GDI2: variants seen among roughly 807,000 people sequenced by gnomAD.
GDI2 encodes the protein rab GDP dissociation inhibitor beta.
GDI2 carries 22 observed loss-of-function variants against 54.2 expected under a neutral mutation model. That is an observed-to-expected ratio of 0.41 (90% CI 0.29 to 0.58). The LOEUF (loss-of-function observed/expected upper bound fraction) is 0.58, where lower values mean the gene tolerates loss of function less well. Ranked by LOEUF, GDI2 falls within the 20% of genes least tolerant of loss-of-function variation. The pLI is 0.35. For synonymous variants in GDI2, 177 were observed against 182.1 expected, an observed-to-expected ratio of 0.97 and a Z score of 0.23; for missense variants, 422 against 546.0, an observed-to-expected ratio of 0.77 and a Z score of 2.26.
intron 1 of GDI2, among the ~76,000 whole-genome samples, chr10:5,806,891 C>T (rs1418721995): frequency 6.6e-6 from 1 of 152,112 alleles, no homozygotes; most frequent in Non-Finnish European, 1.5e-5. Context: ...TGTTGCACAG[C>T]TTCTATATAT....
intron 4 of GDI2, among the ~76,000 whole-genome samples, chr10:5,790,879 G>A (rs1377419429): frequency 6.6e-6 from 1 of 152,114 alleles, no homozygotes; most frequent in Non-Finnish European, 1.5e-5. Flanking sequence ...TTCTTGGCTG[G>A]GTGCAGTGGC....
chr10:5,774,908 G>GCAAGGGCAAGGC lies in GDI2; in HGVS notation c.720-979_720-968dup, dbSNP rs372188768. 2.0e-5 allele frequency among the ~76,000 whole-genome samples: 3 copies of GCAAGGGCAAGGC among 152,146 alleles called. No homozygotes were observed. The highest frequency in any genetic ancestry group is 4.4e-5 in the Non-Finnish European group (3 of 68,038). On this transcript the variant is annotated intron_variant, in intron 6 of 10. Coordinates refer to ENST00000380191, the MANE Select transcript of GDI2 (RefSeq NM_001494.4). This position sits in a 1 kb window ranked among gnomAD's most constrained non-coding sequence, Gnocchi z 4.8. ...ACCCAGGGGAAGGGGAAGGGCAAGG[G>GCAAGGGCAAGGC]CAAGGGCAAGGCCAAGGGAAGGGTT...
intron 1 of GDI2, among the ~76,000 whole-genome samples, chr10:5,808,135 G>A (rs548171317): frequency 2.6e-5 from 4 of 152,106 alleles, no homozygotes; most frequent in African/African-American, 9.6e-5. Flanking sequence ...CCAGGAGTTT[G>A]AGACCAGCCT....
In GDI2 at chr10:5,776,426, C is replaced by A; in HGVS notation, c.720-2485G>T. On this transcript the variant is annotated intron_variant, in intron 6 of 10. Coordinates refer to ENST00000380191, the MANE Select transcript of GDI2 (RefSeq NM_001494.4). The surrounding 1 kb of genome is among the most constrained non-coding windows in gnomAD (Gnocchi z 5.3). ...TGCCTGAGATTCAAGGGATCTTTGACAGGGATCCAGACACGCTACTATTTT... is the reference window on the plus strand; with the variant it reads ...TGCCTGAGATTCAAGGGATCTTTGAAAGGGATCCAGACACGCTACTATTTT... The A allele has an allele frequency of 1.2e-6, 1 of 805,420 alleles. No individual in the cohort carries two copies. The highest frequency in any genetic ancestry group is 2.2e-6 in the Non-Finnish European group (1 of 453,542). The allele number at this position is 805,420 out of a possible 1,614,324, so 49.9% of individuals were successfully genotyped here.
chr10:5,797,147 T>C (rs965884426), intron 2 of GDI2, among the ~76,000 whole-genome samples: 3 of 152,176 alleles, frequency 2.0e-5, no homozygotes, highest in African/African-American at 7.2e-5. Context: ...CAATGGCTCA[T>C]GCCTGTAATC....
intron 6 of GDI2, among the ~76,000 whole-genome samples, chr10:5,778,737 C>T (rs946013107): frequency 6.6e-6 from 1 of 151,932 alleles, no homozygotes; most frequent in Non-Finnish European, 1.5e-5. Context: ...TGCTAGTTGG[C>T]AGTATTTGAT....
rs776722399 is a variant in GDI2 at position 5,785,104 on chromosome 10, G to C, written c.719+38C>G. On this transcript the variant is annotated intron_variant, in intron 6 of 10. Coordinates refer to ENST00000380191, the MANE Select transcript of GDI2 (RefSeq NM_001494.4). ...CATATACACATTATGTTGAAGATGAGGTTTTGGATCACTGAGGTTTTAAAC... is the reference window on the plus strand; with the variant it reads ...CATATACACATTATGTTGAAGATGACGTTTTGGATCACTGAGGTTTTAAAC... The C allele has an allele frequency of 7.4e-6, 11 of 1,483,316 alleles. No homozygotes were observed. The African/African-American group carries it at 1.6e-4, about 21-fold the overall frequency. The allele number at this position is 1,483,316 out of a possible 1,614,324, so 91.9% of individuals were successfully genotyped here.
chr10:5,796,474 T>A (rs1212511514), intron 3 of GDI2, among the ~76,000 whole-genome samples: 2 of 152,252 alleles, frequency 1.3e-5, no homozygotes, highest in African/African-American at 4.8e-5. Context: ...TATTTAAGAC[T>A]GTCATAAGCA....
At chr10:5,805,682 G>C (rs1184214390) in intron 1 of GDI2, among the ~76,000 whole-genome samples, 1 of 152,230 alleles carries the variant, frequency 6.6e-6, no homozygotes, top group Non-Finnish European at 1.5e-5. Flanking sequence ...CACCACTGAT[G>C]CTGATGAGGT....
chr10:5,807,192 A>C (rs1281322662), intron 1 of GDI2, among the ~76,000 whole-genome samples: 5 of 152,232 alleles, frequency 3.3e-5, no homozygotes, highest in Non-Finnish European at 7.3e-5. Context: ...ACATGGGTGA[A>C]GTCATTAATT....
At chr10:5,794,188 A>AAATAT (rs1448053813) in intron 4 of GDI2, among the ~76,000 whole-genome samples, 23 of 40,330 alleles carry the variant, frequency 5.7e-4, no homozygotes, top group Non-Finnish European at 6.7e-4. Context: ...AAAAAAAAAA[A>AAATAT]ATATATATAT....
At chr10:5,788,791 C>T (rs1840936534) in intron 4 of GDI2, among the ~76,000 whole-genome samples, 1 of 151,402 alleles carries the variant, frequency 6.6e-6, no homozygotes, top group Admixed American at 6.6e-5. Flanking sequence ...AAAGGAGTCT[C>T]ACTCTGTCGC....
rs773186152 is a variant in GDI2, at chr10:5,766,303, G to A, written c.1137-8C>T. 3 of 1,610,266 alleles carry A rather than the reference G, an allele frequency of 1.9e-6. No homozygotes were observed. Among genetic ancestry groups the A allele is most frequent in the South Asian group, 2.2e-5 (2 of 90,986 alleles). ...TCACTGATGCTAACAAATCTGGAGGGAGAGAGAATTCAGTCAGGTGAGCTG... is the reference window on the plus strand; with the variant it reads ...TCACTGATGCTAACAAATCTGGAGGAAGAGAGAATTCAGTCAGGTGAGCTG... On this transcript the variant is annotated splice_region_variant and splice_polypyrimidine_tract_variant and intron_variant, in intron 9 of 10. Transcript: ENST00000380191. The surrounding 1 kb of genome is among the most constrained non-coding windows in gnomAD (Gnocchi z 5.8).
chr10:5,805,909 G>A (rs910007243), intron 1 of GDI2, among the ~76,000 whole-genome samples: 1 of 152,208 alleles, frequency 6.6e-6, no homozygotes, highest in South Asian at 2.1e-4. Context: ...TAACACAGCT[G>A]TAGACGATTC....
chr10:5,809,036 G>A (rs765326417), intron 1 of GDI2, among the ~76,000 whole-genome samples: 8 of 152,078 alleles, frequency 5.3e-5, no homozygotes, highest in Admixed American at 1.3e-4. Context: ...CCTGAGGTTA[G>A]GAGTTCGAGA....
intron 1 of GDI2, among the ~76,000 whole-genome samples, chr10:5,801,584 G>A (rs1334876461): frequency 6.6e-6 from 1 of 152,112 alleles, no homozygotes; most frequent in Non-Finnish European, 1.5e-5. Flanking sequence ...GCCAAGGCAG[G>A]TGAATTGCTT....
At chr10:5,797,969 T>C (rs1347985896) in intron 2 of GDI2, among the ~76,000 whole-genome samples, 1 of 152,200 alleles carries the variant, frequency 6.6e-6, no homozygotes, top group Non-Finnish European at 1.5e-5. Flanking sequence ...TTAGTTCTAG[T>C]TCATTTATAA....
intron 5 of GDI2, 29 bp from the exon 6 acceptor site, chr10:5,785,302 A>T (rs1840849121): frequency 6.6e-7 from 1 of 1,513,620 alleles, no homozygotes; most frequent in Non-Finnish European, 9.1e-7. Context: ...GTATTAGGAA[A>T]GGGCTTTAGT....
At chr10:5,793,828 CTT>C (rs1380941404) in intron 4 of GDI2, among the ~76,000 whole-genome samples, 1 of 152,022 alleles carries the variant, frequency 6.6e-6, no homozygotes, top group Non-Finnish European at 1.5e-5. Context: ...AACCAGAACT[CTT>C]TGGTGAGGCA....
Sources: allele counts gnomAD v4.1 joint callset (sites outside exome capture counted in the v4.1 genomes callset), GRCh38; gene constraint gnomAD v4.1.1; non-coding constraint Gnocchi (gnomAD v3.1); transcripts MANE v1.5; gene names NCBI Gene and HGNC (gene_info 2026-07-23, HGNC 2026-07-21).